Variants in TBCK observed in about 807,000 individuals in gnomAD.
The protein encoded by TBCK is TBC1 domain containing kinase.
TBCK carries 99 observed loss-of-function variants against 113.4 expected under a neutral mutation model. The observed-to-expected ratio is 0.87, with a 90% CI of 0.74 to 1.03. The LOEUF (loss-of-function observed/expected upper bound fraction) is 1.03. Among genes scored for constraint, TBCK ranks in the 50% least tolerant of loss-of-function variants. The pLI, the probability that TBCK is intolerant of heterozygous loss-of-function variation, is 0.00. For missense variants in TBCK, 1,045 were observed against 1,061.3 expected, an observed-to-expected ratio of 0.98 and a Z score of 0.21; for synonymous variants, 369 against 370.8, an observed-to-expected ratio of 1.00 and a Z score of 0.05.
intron 25 of TBCK, among the ~76,000 whole-genome samples, chr4:106,079,140 T>G (rs942631147): frequency 6.6e-6 from 1 of 152,072 alleles, no homozygotes; most frequent in African/African-American, 2.4e-5. Context: ...ATGTTAAACA[T>G]CCTCAACAAA....
At chr4:106,150,639 C>T (rs78781562) in intron 23 of TBCK, among the ~76,000 whole-genome samples, 4 of 152,110 alleles carry the variant, frequency 2.6e-5, no homozygotes, top group East Asian at 1.9e-4. Context: ...ATGCTAGGGG[C>T]TAAGATAAGC....
intron 19 of TBCK, among the ~76,000 whole-genome samples, chr4:106,223,599 G>C (rs1006474258): frequency 2.0e-5 from 3 of 152,090 alleles, no homozygotes; most frequent in African/African-American, 7.2e-5. Flanking sequence ...GATTTAGAAA[G>C]ATATACAGGT....
At chr4:106,178,820 G>T (rs1247633474) in intron 22 of TBCK, among the ~76,000 whole-genome samples, 2 of 151,748 alleles carry the variant, frequency 1.3e-5, no homozygotes, top group Non-Finnish European at 2.9e-5. Flanking sequence ...AAGAATTTGA[G>T]AGAATTTGCA....
At chr4:106,093,722 T>C (rs1455405412) in intron 25 of TBCK, among the ~76,000 whole-genome samples, 1 of 152,130 alleles carries the variant, frequency 6.6e-6, no homozygotes, top group Non-Finnish European at 1.5e-5. Context: ...AAATAACTAT[T>C]GGGTACTAGG....
At chr4:106,080,723 A>G (rs1169884577) in intron 25 of TBCK, among the ~76,000 whole-genome samples, 1 of 152,208 alleles carries the variant, frequency 6.6e-6, no homozygotes, top group African/African-American at 2.4e-5. Context: ...AAATATCATC[A>G]GAGTGTACAG....
intron 20 of TBCK, among the ~76,000 whole-genome samples, chr4:106,204,777 G>A (rs1178763869): frequency 6.4e-5 from 1 of 15,616 alleles, no homozygotes; most frequent in Admixed American, 5.3e-4. Flanking sequence ...TTTTTTTTTT[G>A]AGACGGAGTC....
chr4:106,295,485 A>G (rs1221509567), intron 2 of TBCK, among the ~76,000 whole-genome samples: 1 of 152,206 alleles, frequency 6.6e-6, no homozygotes, highest in Non-Finnish European at 1.5e-5. Flanking sequence ...AGAAAGAAGT[A>G]AAAGATTAGA....
At chr4:106,091,540 T>A (rs1740239692) in intron 25 of TBCK, among the ~76,000 whole-genome samples, 1 of 152,116 alleles carries the variant, frequency 6.6e-6, no homozygotes. Context: ...TTCTGGTGGG[T>A]TCGTGGTCTC....
chr4:106,302,916 C>CA (rs1448463809), intron 2 of TBCK, among the ~76,000 whole-genome samples: 1 of 152,086 alleles, frequency 6.6e-6, no homozygotes, highest in African/African-American at 2.4e-5. Flanking sequence ...AAATCTTTGG[C>CA]AAAAAATTAT....
At chr4:106,195,308 C>T (rs1240292189) in intron 20 of TBCK, among the ~76,000 whole-genome samples, 1 of 151,996 alleles carries the variant, frequency 6.6e-6, no homozygotes, top group Non-Finnish European at 1.5e-5. Flanking sequence ...CACAGAATGT[C>T]TTTATTTCAC....
chr4:106,064,326 T>G (rs896351211), intron 25 of TBCK, among the ~76,000 whole-genome samples: 1 of 151,992 alleles, frequency 6.6e-6, no homozygotes, highest in East Asian at 1.9e-4. Context: ...TGATAGAATA[T>G]CCACATAAAC....
chr4:106,053,108 CTCTT>C lies in TBCK; in HGVS notation c.2572-6432_2572-6429del, dbSNP rs199657966. The stretch of plus-strand genomic sequence containing the variant: ...GTCCTCTCTCTCTCTTCCCCTCCCT[CTCTT>C]TGTCTATCCATCTGTTCATCCATAA... On this transcript the variant is annotated intron_variant, in intron 25 of 25. Transcript: ENST00000394708. Among the ~76,000 whole-genome samples the C allele has an allele frequency of 5.6e-3, 849 of 151,826 alleles. 8 individuals carry two copies. Among genetic ancestry groups the C allele is most frequent in the African/African-American group, 0.016 (683 of 41,514 alleles).
At chr4:106,200,376 C>CA (rs984642006) in intron 20 of TBCK, among the ~76,000 whole-genome samples, 5 of 151,970 alleles carry the variant, frequency 3.3e-5, no homozygotes, top group African/African-American at 1.2e-4. Context: ...CTCATGTCTA[C>CA]AAAAAATTTA....
chr4:106,228,371 G>C (rs1758473556), intron 19 of TBCK, among the ~76,000 whole-genome samples: 1 of 147,494 alleles, frequency 6.8e-6, no homozygotes, highest in South Asian at 2.1e-4. Context: ...TTCACAATGT[G>C]TATCCTCCAA....
intron 5 of TBCK, among the ~76,000 whole-genome samples, chr4:106,260,201 A>C (rs1175418402): frequency 6.6e-6 from 1 of 151,938 alleles, no homozygotes; most frequent in Non-Finnish European, 1.5e-5. Context: ...AATGTAAAGA[A>C]TGTCAATACT....
At chr4:106,077,493 A>C (rs1738346242) in intron 25 of TBCK, among the ~76,000 whole-genome samples, 1 of 152,224 alleles carries the variant, frequency 6.6e-6, no homozygotes, top group Admixed American at 6.5e-5. Context: ...GTAAATAGAA[A>C]ACAGAAACAG....
chr4:106,219,947 C>A (rs766008003), intron 19 of TBCK, among the ~76,000 whole-genome samples: 1 of 152,052 alleles, frequency 6.6e-6, no homozygotes, highest in African/African-American at 2.4e-5. Context: ...AAATAATCTT[C>A]AAAAAATAAT....
chr4:106,157,985 T>C (rs1749323383), intron 23 of TBCK, among the ~76,000 whole-genome samples: 1 of 152,178 alleles, frequency 6.6e-6, no homozygotes, highest in African/African-American at 2.4e-5. Context: ...AGCAGAAGTA[T>C]GTATAGGGTA....
rs1047061250 is a variant in TBCK at position 106,247,160 on chromosome 4, C to T, written c.910G>A (p.Asp304Asn). ...TTACCTTTACACAACTGACTGATAT[C>T]CTCAGGCAGAGTTAAATCAGCACAT... ...LRCADLTLPE[D>N]ISQLCKDINN... Residue 304 changes from aspartate (D) to asparagine (N), a missense_variant, in exon 10 of 26, where the codon GAT becomes AAT. Asp to Asn is a conservative substitution (Grantham distance 23). Coordinates refer to ENST00000394708, the MANE Select transcript of TBCK (RefSeq NM_001163435.3). 4 of 1,613,012 alleles carry T rather than the reference C, an allele frequency of 2.5e-6. No homozygotes were observed. Among genetic ancestry groups the T allele is most frequent in the African/African-American group, 2.7e-5 (2 of 74,862 alleles).
Sources: allele counts gnomAD v4.1 joint callset (sites outside exome capture counted in the v4.1 genomes callset), GRCh38; gene constraint gnomAD v4.1.1; transcripts MANE v1.5; gene names NCBI Gene and HGNC (gene_info 2026-07-23, HGNC 2026-07-21).